Variants in MRTFB observed in about 807,000 individuals in gnomAD.
MRTFB encodes the protein myocardin related transcription factor B.
In MRTFB, 29 loss-of-function variants were observed where a neutral mutation model predicts 104.2. That is an observed-to-expected ratio of 0.28 (90% CI 0.21 to 0.38). The LOEUF (loss-of-function observed/expected upper bound fraction) is 0.38. Ranked by LOEUF, MRTFB falls within the 10% of genes least tolerant of loss-of-function variation. The pLI is 1.00. For synonymous variants in MRTFB, 535 were observed against 519.5 expected (o/e 1.03, Z -0.41); for missense variants, 1,270 against 1,341.6 (o/e 0.95, Z 0.83).
chr16:14,091,342 G>A (rs530866033), intron 2 of MRTFB, among the ~76,000 whole-genome samples: 3 of 152,258 alleles, frequency 2.0e-5, no homozygotes, highest in South Asian at 2.1e-4. Flanking sequence ...CCTAGAGAAG[G>A]TTGCAAAAGG....
intron 3 of MRTFB, among the ~76,000 whole-genome samples, chr16:14,190,236 C>A (rs2040117885): frequency 1.3e-5 from 2 of 152,190 alleles, no homozygotes; most frequent in Admixed American, 1.3e-4. Context: ...ATAGAAAATT[C>A]TCCTTAGACT....
At chr16:14,022,345 A>G in the MRTFB span, among the ~76,000 whole-genome samples, 1 of 152,066 alleles carries the variant, frequency 6.6e-6, no homozygotes, top group Non-Finnish European at 1.5e-5. Flanking sequence ...GGACTTAACA[A>G]CTCTATCATA....
rs769179275 is a variant in MRTFB at position 14,247,122 on chromosome 16, C to T, written c.1862C>T (p.Pro621Leu). The T allele has an allele frequency of 1.6e-5, 26 of 1,614,048 alleles. No homozygotes were observed. Among genetic ancestry groups the T allele is most frequent in the Middle Eastern group, 1.6e-4 (1 of 6,084 alleles). Residue 621 changes from proline to leucine, a missense_variant, in exon 12 of 17, where the codon CCA (proline) becomes CTA (leucine). Pro to Leu is a moderately conservative substitution (Grantham distance 98). Coordinates refer to ENST00000571589, the MANE Select transcript of MRTFB (RefSeq NM_001308142.2). ...QRPLEAQPSA[P>L]GHSVKSDQKH... ...CCCCTGGAAGCCCAGCCCAGTGCCC[C>T]AGGTCATTCTGTCAAGTCAGATCAG...
chr16:14,193,311 T>TA (rs1226850496), intron 3 of MRTFB, among the ~76,000 whole-genome samples: 1 of 151,516 alleles, frequency 6.6e-6, no homozygotes, highest in African/African-American at 2.4e-5. Flanking sequence ...ATTTCCGTTG[T>TA]ACTTGGGATA....
At chr16:14,069,894 T>C, upstream of MRTFB, among the ~76,000 whole-genome samples, 1 of 152,248 alleles carries the variant, frequency 6.6e-6, no homozygotes, top group Non-Finnish European at 1.5e-5. Context: ...GGCTCAGCAC[T>C]TTGTAGCTGC....
At chr16:14,077,123 T>C (rs965352962) in intron 1 of MRTFB, among the ~76,000 whole-genome samples, 3 of 152,232 alleles carry the variant, frequency 2.0e-5, no homozygotes, top group African/African-American at 7.2e-5. Context: ...ATGGCTTTCT[T>C]TACATTTTAT....
intron 3 of MRTFB, among the ~76,000 whole-genome samples, chr16:14,154,161 T>C (rs2038737824): frequency 1.3e-5 from 2 of 152,138 alleles, no homozygotes; most frequent in African/African-American, 4.8e-5. Context: ...AGCTAGACCC[T>C]GTCTCTACAA....
the MRTFB span, among the ~76,000 whole-genome samples, chr16:14,021,547 A>G: frequency 2.0e-5 from 3 of 152,058 alleles, no homozygotes; most frequent in Non-Finnish European, 4.4e-5. Context: ...ACTGCACCCA[A>G]TTTGTAGTGT....
rs1304494998 is a variant in MRTFB at position 14,264,580 on chromosome 16, G to A, written c.*3136G>A. ...TTCTTGCTTAGATACTATTGTGTTTGTTTCATATGAATATTTTTGTAATTC... is the reference window on the plus strand; with the variant it reads ...TTCTTGCTTAGATACTATTGTGTTTATTTCATATGAATATTTTTGTAATTC... On this transcript the variant is annotated 3_prime_UTR_variant, in exon 17 of 17. Coordinates refer to ENST00000571589, the MANE Select transcript of MRTFB (RefSeq NM_001308142.2). 2 of 152,092 alleles carry A rather than the reference G, an allele frequency of 1.3e-5. No individual in the cohort carries two copies. The highest frequency in any genetic ancestry group is 2.9e-5 in the Non-Finnish European group (2 of 68,006). The allele number at this position is 152,092 out of a possible 1,614,324, so 9.4% of individuals were successfully genotyped here.
chr16:14,091,936 A>G (rs1435975132), intron 2 of MRTFB, among the ~76,000 whole-genome samples: 1 of 143,652 alleles, frequency 7.0e-6, no homozygotes, highest in Non-Finnish European at 1.5e-5. Context: ...CGGAGGTTGC[A>G]GTGAGCCGAG....
intron 3 of MRTFB, 22 bp downstream of exon 3, chr16:14,140,782 G>A: frequency 2.5e-6 from 4 of 1,613,496 alleles, no homozygotes; most frequent in Non-Finnish European, 2.5e-6. Flanking sequence ...ATGTGCAATG[G>A]GATCTTTGAT....
intron 2 of MRTFB, among the ~76,000 whole-genome samples, chr16:14,108,588 A>G (rs1339163881): frequency 6.6e-6 from 1 of 152,164 alleles, no homozygotes; most frequent in African/African-American, 2.4e-5. Flanking sequence ...ACTTTGTAGA[A>G]ATTTGGAAAG....
the MRTFB span, among the ~76,000 whole-genome samples, chr16:14,026,987 A>G: frequency 6.6e-6 from 1 of 152,216 alleles, no homozygotes; most frequent in Non-Finnish European, 1.5e-5. Flanking sequence ...TGGGGAAAAA[A>G]GTGTAGCAGT....
the MRTFB span, among the ~76,000 whole-genome samples, chr16:14,005,779 C>G: frequency 3.3e-5 from 5 of 152,148 alleles, no homozygotes; most frequent in Non-Finnish European, 7.4e-5. Context: ...TAGGCCAGTC[C>G]CCCAATTCAT....
At chr16:14,118,926 ATTCT>A (rs1425999316) in intron 2 of MRTFB, among the ~76,000 whole-genome samples, 1 of 147,622 alleles carries the variant, frequency 6.8e-6, no homozygotes, top group African/African-American at 2.6e-5. Context: ...TATAGCAGTA[ATTCT>A]TTCAGTTTTG....
intron 3 of MRTFB, among the ~76,000 whole-genome samples, chr16:14,201,845 T>C (rs757970329): frequency 6.6e-6 from 1 of 152,202 alleles, no homozygotes; most frequent in Non-Finnish European, 1.5e-5. Flanking sequence ...GGGGATATTG[T>C]AAATTATGCA....
intron 13 of MRTFB, among the ~76,000 whole-genome samples, chr16:14,249,497 T>C (rs190972838): frequency 1.3e-5 from 2 of 152,350 alleles, no homozygotes; most frequent in East Asian, 3.9e-4. Flanking sequence ...GAGTAAGATC[T>C]TGAAATACAT....
the MRTFB span, among the ~76,000 whole-genome samples, chr16:14,029,387 C>T: frequency 2.2e-4 from 28 of 129,478 alleles, no homozygotes; most frequent in East Asian, 1.4e-3. Context: ...GCCTGGGTGA[C>T]GGAGCAAGAC....
the MRTFB span, among the ~76,000 whole-genome samples, chr16:14,047,844 T>A: frequency 1.3e-5 from 2 of 152,140 alleles, no homozygotes; most frequent in Admixed American, 6.5e-5. Flanking sequence ...AACTTATTAC[T>A]CTGCTCCCAG....
Sources: gnomAD v4.1 joint callset for allele counts (sites outside exome capture counted in the v4.1 genomes callset) on GRCh38, gnomAD v4.1.1 for gene constraint, MANE v1.5 for transcripts, NCBI Gene and HGNC (gene_info 2026-07-23, HGNC 2026-07-21) for gene names.